NSUN4: variants seen among roughly 807,000 people sequenced by gnomAD.
The protein encoded by NSUN4 is 5-cytosine rRNA methyltransferase NSUN4.
NSUN4 carries 31 observed loss-of-function variants against 43.8 expected under a neutral mutation model. The ratio of observed to expected loss-of-function variants is 0.71; its 90% CI spans 0.53 to 0.96. The LOEUF (loss-of-function observed/expected upper bound fraction) is 0.96, where lower values mean the gene tolerates loss of function less well. NSUN4 is among the 40% of genes least tolerant of loss of function. The pLI is 0.00. For missense variants in NSUN4, 439 were observed against 475.6 expected (o/e 0.92, Z 0.72); for synonymous variants, 167 against 184.1 (o/e 0.91, Z 0.75).
intron 3 of NSUN4, among the ~76,000 whole-genome samples, chr1:46,347,917 A>G (rs7556425): frequency 0.22 from 32,310 of 143,840 alleles, 4,022 homozygotes; most frequent in Non-Finnish European, 0.29. Flanking sequence ...TCACTCTGTC[A>G]CCCAGGTTGG....
At chr1:46,383,767 T>C in the NSUN4 span, among the ~76,000 whole-genome samples, 1 of 152,244 alleles carries the variant, frequency 6.6e-6, no homozygotes, top group East Asian at 1.9e-4. Flanking sequence ...GCTGGTGTTA[T>C]AAATAAAGTT....
At chr1:46,352,140 C>T (rs1480483599) in intron 3 of NSUN4, among the ~76,000 whole-genome samples, 2 of 145,162 alleles carry the variant, frequency 1.4e-5, no homozygotes, top group East Asian at 3.9e-4. Flanking sequence ...CTCAGAGACC[C>T]TGTCTTTAAA....
chr1:46,365,636 C>T (rs1664118129), downstream of NSUN4, among the ~76,000 whole-genome samples: 3 of 152,098 alleles, frequency 2.0e-5, no homozygotes, highest in Admixed American at 2.0e-4. Context: ...ACCACTGTGC[C>T]CAGCCCATGT....
chr1:46,370,426 G>GAGT, the NSUN4 span, among the ~76,000 whole-genome samples: 1 of 152,190 alleles, frequency 6.6e-6, no homozygotes, highest in South Asian at 2.1e-4. Flanking sequence ...TCTCACAAAG[G>GAGT]AGTACTTAGT....
intron 3 of NSUN4, among the ~76,000 whole-genome samples, chr1:46,350,475 C>T (rs375653779): frequency 2.6e-5 from 4 of 152,320 alleles, no homozygotes; most frequent in African/African-American, 4.8e-5. Context: ...TTACCATTCC[C>T]ACCCTACCTT....
intron 4 of NSUN4, among the ~76,000 whole-genome samples, chr1:46,359,317 A>C (rs1337525436): frequency 6.6e-6 from 1 of 152,076 alleles, no homozygotes; most frequent in Non-Finnish European, 1.5e-5. Context: ...GTTTCTGCTG[A>C]CTTGCTCAAG....
intron 3 of NSUN4, among the ~76,000 whole-genome samples, chr1:46,352,139 C>A (rs1265080480): frequency 4.8e-5 from 7 of 145,902 alleles, no homozygotes; most frequent in African/African-American, 7.5e-5. Context: ...ACTCAGAGAC[C>A]CTGTCTTTAA....
chr1:46,342,389 C>T, intron 1 of NSUN4: 1 of 399,124 alleles, frequency 2.5e-6, no homozygotes, highest in Non-Finnish European at 4.4e-6. Flanking sequence ...CTCAGGAGGG[C>T]TCTTATCATT....
chr1:46,358,448 C>CTGGA (rs1663557285), intron 4 of NSUN4, among the ~76,000 whole-genome samples: 1 of 128,382 alleles, frequency 7.8e-6, no homozygotes, highest in African/African-American at 3.0e-5. Flanking sequence ...TGTTGCCAGG[C>CTGGA]TGGAGTGCAG....
chr1:46,375,736 CAAAAA>C, the NSUN4 span, among the ~76,000 whole-genome samples: 4 of 69,900 alleles, frequency 5.7e-5, no homozygotes, highest in Admixed American at 2.1e-4. Flanking sequence ...GACTCTGTCT[CAAAAA>C]AAAAAAAAAA....
chr1:46,349,774 T>C (rs1047582709), intron 3 of NSUN4, among the ~76,000 whole-genome samples: 1 of 152,152 alleles, frequency 6.6e-6, no homozygotes, highest in African/African-American at 2.4e-5. Flanking sequence ...ATGAATCCAA[T>C]GCAAGAGAGC....
chr1:46,348,593 C>G (rs72886907), intron 3 of NSUN4, among the ~76,000 whole-genome samples: 1 of 150,470 alleles, frequency 6.6e-6, no homozygotes, highest in Non-Finnish European at 1.5e-5. Context: ...GGGCTAATCC[C>G]AACTACTTGG....
intron 2 of NSUN4, among the ~76,000 whole-genome samples, chr1:46,346,659 G>A (rs1270973856): frequency 2.0e-5 from 3 of 152,154 alleles, no homozygotes; most frequent in African/African-American, 7.2e-5. Flanking sequence ...GGGAGGTGGA[G>A]GTTGCAGCGA....
chr1:46,358,242 C>T (rs1200570518), intron 4 of NSUN4, among the ~76,000 whole-genome samples: 1 of 151,182 alleles, frequency 6.6e-6, no homozygotes, highest in South Asian at 2.1e-4. Flanking sequence ...ATTACAGGTG[C>T]CCACCACTGT....
chr1:46,361,795 C>A lies in NSUN4; in HGVS notation c.1104C>A (p.Leu368=). The change falls in exon 6 of 6, where the codon CTC becomes CTA. Residue 368 remains leucine, a synonymous_variant. Transcript: ENST00000474844. ...CQVGELVIPN[L]MANFGPMYFC... Reference sequence around the variant, plus strand: ...TTGGGGAGCTGGTAATACCAAACCTCATGGCCAATTTTGGCCCCATGTACT... The same window carrying A: ...TTGGGGAGCTGGTAATACCAAACCTAATGGCCAATTTTGGCCCCATGTACT... 3 of 1,614,198 alleles carry A rather than the reference C, an allele frequency of 1.9e-6. No homozygotes were observed. Among genetic ancestry groups the A allele is most frequent in the Non-Finnish European group, 2.5e-6 (3 of 1,180,024 alleles).
intron 3 of NSUN4, among the ~76,000 whole-genome samples, chr1:46,348,573 G>A (rs1662697164): frequency 6.6e-6 from 1 of 151,858 alleles, no homozygotes; most frequent in African/African-American, 2.4e-5. Context: ...AATTAGCCGG[G>A]CCTGGTGGTG....
intron 1 of NSUN4, chr1:46,341,939 A>G: frequency 8.1e-7 from 1 of 1,232,848 alleles, no homozygotes; most frequent in Non-Finnish European, 1.0e-6. Context: ...CCAGCCCGGC[A>G]ACCTCCTTTC....
At chr1:46,373,838 A>G in the NSUN4 span, among the ~76,000 whole-genome samples, 34,034 of 151,638 alleles carry the variant, frequency 0.22, 4,279 homozygotes, top group Non-Finnish European at 0.29. Flanking sequence ...GAACAAACAC[A>G]CAGGACACAG....
At chr1:46,357,890 G>C (rs949068461) in intron 4 of NSUN4, among the ~76,000 whole-genome samples, 1 of 151,980 alleles carries the variant, frequency 6.6e-6, no homozygotes, top group East Asian at 1.9e-4. Flanking sequence ...GATGATTTTG[G>C]TCTCAGCTCT....
Sources: allele counts gnomAD v4.1 joint callset (sites outside exome capture counted in the v4.1 genomes callset), GRCh38; gene constraint gnomAD v4.1.1; transcripts MANE v1.5; gene names NCBI Gene and HGNC (gene_info 2026-07-23, HGNC 2026-07-21).